The following GRID1 variants were observed in gnomAD, a reference collection of about 807,000 sequenced individuals.
GRID1 encodes glutamate ionotropic receptor delta type subunit 1.
A neutral mutation model predicts 98.0 loss-of-function variants in GRID1; 28 were observed. The observed-to-expected ratio is 0.29, with a 90% CI of 0.21 to 0.39. GRID1 has a LOEUF of 0.39. Among genes scored for constraint, GRID1 ranks in the 10% least tolerant of loss-of-function variants. The probability of loss-of-function intolerance (pLI) is 1.00; values close to 1 mark genes in which losing one functional copy is unlikely to be tolerated. For missense variants in GRID1, 1,111 were observed against 1,340.5 expected (o/e 0.83, Z 2.67); for synonymous variants, 553 against 538.5 (o/e 1.03, Z -0.37).
intron 12 of GRID1, among the ~76,000 whole-genome samples, chr10:85,659,405 A>C (rs1204096517): frequency 6.6e-6 from 1 of 152,172 alleles, no homozygotes; most frequent in Non-Finnish European, 1.5e-5. Flanking sequence ...AAGGAGGTGG[A>C]CTCATGTGGC....
At chr10:85,871,463 C>T (rs1843277675) in intron 5 of GRID1, among the ~76,000 whole-genome samples, 1 of 152,146 alleles carries the variant, frequency 6.6e-6, no homozygotes, top group African/African-American at 2.4e-5. Context: ...AGAGGGCTAG[C>T]CAGGTTAAGA....
At chr10:86,132,203 T>G (rs927161476) in intron 4 of GRID1, among the ~76,000 whole-genome samples, 2 of 151,602 alleles carry the variant, frequency 1.3e-5, no homozygotes, top group Non-Finnish European at 2.9e-5. Context: ...CTCAGGGGCT[T>G]TGGAAAGATG....
intron 4 of GRID1, among the ~76,000 whole-genome samples, chr10:85,956,746 G>C (rs1244023733): frequency 6.6e-6 from 1 of 152,168 alleles, no homozygotes; most frequent in African/African-American, 2.4e-5. Context: ...AGTAGGCATG[G>C]GAAGCGTCAA....
chr10:85,823,341 G>C (rs960997283), intron 8 of GRID1, among the ~76,000 whole-genome samples: 16 of 151,918 alleles, frequency 1.1e-4, no homozygotes, highest in Admixed American at 2.0e-4. Context: ...AAAAATCCAT[G>C]ATATGTTCAA....
rs1258936396 is a variant in GRID1 at position 85,834,906 on chromosome 10, G to A, written c.1233+19590C>T. 4.6e-5 allele frequency among the ~76,000 whole-genome samples: 7 copies of A among 152,074 alleles called. No individual in the cohort carries two copies. The East Asian group carries it at 1.4e-3, about 29-fold the overall frequency. On this transcript the variant is annotated intron_variant, in intron 8 of 15. Transcript: ENST00000327946. ...GCCAATTAAAAGGCAAAAATGGGAA[G>A]AATAGATTTTTTAAAAATCCAACTA... is the stretch of plus-strand genomic sequence containing the variant.
intron 4 of GRID1, among the ~76,000 whole-genome samples, chr10:85,952,281 G>A (rs564901286): frequency 2.8e-4 from 43 of 152,292 alleles, no homozygotes; most frequent in African/African-American, 9.9e-4. Flanking sequence ...GCATGAGGAA[G>A]CAAACTCCTA....
intron 4 of GRID1, among the ~76,000 whole-genome samples, chr10:85,929,126 A>G (rs1166867029): frequency 2.6e-5 from 4 of 152,274 alleles, no homozygotes; most frequent in African/African-American, 7.2e-5. Context: ...GGAGAAAAGG[A>G]AAGGGTGTCC....
chr10:85,765,182 G>A (rs1048006088), intron 8 of GRID1, among the ~76,000 whole-genome samples: 2 of 152,136 alleles, frequency 1.3e-5, no homozygotes, highest in African/African-American at 4.8e-5. Flanking sequence ...ACTAGTCCAT[G>A]GTCACACAGC....
At chr10:85,697,065 G>A (rs963842803) in intron 12 of GRID1, among the ~76,000 whole-genome samples, 8 of 152,030 alleles carry the variant, frequency 5.3e-5, no homozygotes, top group African/African-American at 1.7e-4. Flanking sequence ...CTTGGTGAAT[G>A]TTTCATGCAC....
At chr10:85,804,931 T>G (rs1842609238) in intron 8 of GRID1, among the ~76,000 whole-genome samples, 1 of 150,140 alleles carries the variant, frequency 6.7e-6, no homozygotes, top group Non-Finnish European at 1.5e-5. Context: ...AACATTATAG[T>G]AAAGGTACAA....
intron 5 of GRID1, among the ~76,000 whole-genome samples, chr10:85,908,632 C>T (rs1841494313): frequency 6.6e-6 from 1 of 152,296 alleles, no homozygotes; most frequent in East Asian, 1.9e-4. Flanking sequence ...TACAGATTCA[C>T]TGCAATCCCA....
intron 8 of GRID1, among the ~76,000 whole-genome samples, chr10:85,832,793 G>A (rs948950322): frequency 7.2e-5 from 11 of 152,092 alleles, no homozygotes; most frequent in African/African-American, 2.4e-4. Flanking sequence ...AAGATGGTCC[G>A]GGTAGGCTCA....
chr10:85,782,248 G>A (rs901143430), intron 8 of GRID1, among the ~76,000 whole-genome samples: 23 of 149,342 alleles, frequency 1.5e-4, no homozygotes, highest in East Asian at 9.8e-4. Context: ...ACACACACAC[G>A]CACTTACACA....
intron 5 of GRID1, among the ~76,000 whole-genome samples, chr10:85,870,344 T>G (rs904513619): frequency 6.6e-6 from 1 of 152,248 alleles, no homozygotes; most frequent in Non-Finnish European, 1.5e-5. Context: ...TCTCAGGCCT[T>G]CGGCCACAGG....
intron 3 of GRID1, among the ~76,000 whole-genome samples, chr10:86,169,386 T>C (rs970644533): frequency 5.3e-5 from 8 of 152,204 alleles, no homozygotes; most frequent in Admixed American, 2.6e-4. Flanking sequence ...ACCAACTTCC[T>C]TGATGTAAAT....
intron 8 of GRID1, among the ~76,000 whole-genome samples, chr10:85,757,256 CTG>C (rs1842108232): frequency 6.6e-6 from 1 of 152,218 alleles, no homozygotes. Flanking sequence ...GAACACCTTC[CTG>C]GTCATTATCT....
At chr10:86,298,532 C>T (rs1171317186) in intron 2 of GRID1, among the ~76,000 whole-genome samples, 1 of 152,184 alleles carries the variant, frequency 6.6e-6, no homozygotes, top group Non-Finnish European at 1.5e-5. Context: ...CAGCCCTGGC[C>T]GTTCTTGTGA....
At chr10:86,175,479 A>G (rs1407352481) in intron 3 of GRID1, among the ~76,000 whole-genome samples, 1 of 152,034 alleles carries the variant, frequency 6.6e-6, no homozygotes, top group Non-Finnish European at 1.5e-5. Flanking sequence ...AGAATTCCAT[A>G]TGACCTAGCC....
intron 3 of GRID1, among the ~76,000 whole-genome samples, chr10:86,191,022 C>A (rs1428457883): frequency 6.6e-6 from 1 of 152,210 alleles, no homozygotes; most frequent in Non-Finnish European, 1.5e-5. Flanking sequence ...CTCCAGATCT[C>A]TGGGCTTTTT....
Sources: gnomAD v4.1 joint callset for allele counts (sites outside exome capture counted in the v4.1 genomes callset) on GRCh38, gnomAD v4.1.1 for gene constraint, MANE v1.5 for transcripts, NCBI Gene and HGNC (gene_info 2026-07-23, HGNC 2026-07-21) for gene names.